Variants in GCSAML observed in about 807,000 individuals in gnomAD.
GCSAML encodes the protein germinal center-associated signaling and motility-like protein.
GCSAML carries 9 observed loss-of-function variants against 13.0 expected under a neutral mutation model. The ratio of observed to expected loss-of-function variants is 0.69; its 90% CI spans 0.42 to 1.21. The LOEUF (loss-of-function observed/expected upper bound fraction) is 1.21. GCSAML is among the 50% of genes most tolerant of loss of function. The probability of loss-of-function intolerance (pLI) is 0.00; values close to 1 mark genes in which losing one functional copy is unlikely to be tolerated. For synonymous variants in GCSAML, 37 were observed against 52.9 expected (o/e 0.70, Z 1.31); for missense variants, 143 against 153.4 (o/e 0.93, Z 0.36).
At chr1:247,542,338 T>C (rs1261348538) in intron 2 of GCSAML, among the ~76,000 whole-genome samples, 1 of 152,210 alleles carries the variant, frequency 6.6e-6, no homozygotes. Flanking sequence ...AGAAAATGTA[T>C]GCCAGTATGA....
At chr1:247,532,968 A>G (rs1163045593) in intron 2 of GCSAML, among the ~76,000 whole-genome samples, 2 of 152,202 alleles carry the variant, frequency 1.3e-5, no homozygotes, top group Non-Finnish European at 1.5e-5. Context: ...CAACATCTAT[A>G]TGCAACCTAA....
chr1:247,538,160 G>A (rs532210245), intron 2 of GCSAML, among the ~76,000 whole-genome samples: 1 of 152,054 alleles, frequency 6.6e-6, no homozygotes, highest in Non-Finnish European at 1.5e-5. Flanking sequence ...TTTGAGTTAC[G>A]TTTTGTATAT....
chr1:247,559,407 G>A (rs767887351), intron 2 of GCSAML, among the ~76,000 whole-genome samples: 18 of 151,760 alleles, frequency 1.2e-4, no homozygotes, highest in Non-Finnish European at 2.1e-4. Flanking sequence ...GGTGTTTGTC[G>A]GTTTTAATCT....
chr1:247,550,556 G>A (rs2103036146), intron 1 of GCSAML, among the ~76,000 whole-genome samples: 1 of 152,250 alleles, frequency 6.6e-6, no homozygotes, highest in Admixed American at 6.5e-5. Context: ...AGAATGGCGT[G>A]AACCCGGGAG....
chr1:247,531,488 C>G, intron 2 of GCSAML: 1 of 1,544,438 alleles, frequency 6.5e-7, no homozygotes. Context: ...AGTGCCCTGT[C>G]TTCCAAGGTC....
intron 4 of GCSAML, among the ~76,000 whole-genome samples, chr1:247,573,373 G>A (rs1253642024): frequency 1.3e-5 from 2 of 152,204 alleles, no homozygotes; most frequent in Non-Finnish European, 2.9e-5. Flanking sequence ...TGGGAAAAGT[G>A]TAGTGTCTGG....
intron 2 of GCSAML, chr1:247,531,455 A>G: frequency 7.8e-7 from 1 of 1,285,056 alleles, no homozygotes; most frequent in Non-Finnish European, 1.1e-6. Context: ...CTCAAACAAT[A>G]TTAGAAGAAA....
intron 1 of GCSAML, among the ~76,000 whole-genome samples, chr1:247,550,898 A>C (rs777054136): frequency 1.3e-5 from 2 of 152,202 alleles, no homozygotes; most frequent in Non-Finnish European, 2.9e-5. Context: ...ATATGGAAGC[A>C]AATTTTAAAA....
At chr1:247,516,291 G>T (rs1009294563) in intron 1 of GCSAML, among the ~76,000 whole-genome samples, 9 of 152,140 alleles carry the variant, frequency 5.9e-5, no homozygotes, top group African/African-American at 2.2e-4. Flanking sequence ...ATGGATTTTG[G>T]TTTAGAGTTT....
At chr1:247,568,398 G>T (rs1381989573) in intron 4 of GCSAML, among the ~76,000 whole-genome samples, 2 of 152,158 alleles carry the variant, frequency 1.3e-5, no homozygotes, top group East Asian at 1.9e-4. Flanking sequence ...CATATGGCTA[G>T]CCAGTTTTCC....
At chr1:247,541,996 T>A (rs1246312084) in intron 2 of GCSAML, among the ~76,000 whole-genome samples, 1 of 140,766 alleles carries the variant, frequency 7.1e-6, no homozygotes, top group African/African-American at 2.7e-5. Flanking sequence ...GGCAACAGAG[T>A]GAGACTCTGT....
At chr1:247,572,502 G>T (rs1236246941) in intron 4 of GCSAML, among the ~76,000 whole-genome samples, 1 of 152,204 alleles carries the variant, frequency 6.6e-6, no homozygotes, top group African/African-American at 2.4e-5. Flanking sequence ...ATCCACTCCA[G>T]ATTCTGTTTG....
intron 1 of GCSAML, among the ~76,000 whole-genome samples, chr1:247,550,515 T>C (rs1278913070): frequency 1.3e-5 from 2 of 152,092 alleles, no homozygotes; most frequent in Non-Finnish European, 2.9e-5. Context: ...TGGGCACCTG[T>C]AATCCCAGCT....
At chr1:247,532,191 C>A (rs761085022) in intron 2 of GCSAML, 2 of 1,614,122 alleles carry the variant, frequency 1.2e-6, no homozygotes, top group Admixed American at 1.7e-5. Context: ...TTGCCCCCAG[C>A]CAATGGGAGA....
At chr1:247,565,906 T>TTC in intron 3 of GCSAML, 25 bp from the exon 4 acceptor site, 2 of 638,794 alleles carry the variant, frequency 3.1e-6, no homozygotes, top group South Asian at 3.2e-5. Context: ...CTTTCTTTCT[T>TTC]TTTTTTTTTT....
At chr1:247,535,368 G>A (rs113709497) in intron 2 of GCSAML, among the ~76,000 whole-genome samples, 7 of 152,282 alleles carry the variant, frequency 4.6e-5, no homozygotes, top group Admixed American at 1.3e-4. Context: ...CTGTCAAAAC[G>A]TGGATGTTTT....
At chr1:247,542,548 T>C (rs376033426) in intron 2 of GCSAML, among the ~76,000 whole-genome samples, 19 of 152,384 alleles carry the variant, frequency 1.2e-4, no homozygotes, top group East Asian at 7.7e-4. Flanking sequence ...AATTGCTCTC[T>C]AGGTTTTGGG....
At chr1:247,565,980 A>C (rs762340218) in intron 4 of GCSAML, 21 bp downstream of exon 4, 58 of 1,527,636 alleles carry the variant, frequency 3.8e-5, no homozygotes, top group Non-Finnish European at 5.1e-5. Flanking sequence ...AACAAAAAGC[A>C]AGACAAAAGA....
upstream of GCSAML, chr1:247,548,910 C>T: frequency 5.5e-6 from 3 of 544,478 alleles, no homozygotes; most frequent in Admixed American, 6.5e-5. The surrounding 1 kb of genome is among the most constrained non-coding windows in gnomAD (Gnocchi z 5.3). Flanking sequence ...ATGTTTCAGC[C>T]TGATTTTTTC....
Sources: gnomAD v4.1 joint callset for allele counts (sites outside exome capture counted in the v4.1 genomes callset) on GRCh38, gnomAD v4.1.1 for gene constraint, Gnocchi (gnomAD v3.1) non-coding constraint, MANE v1.5 for transcripts, NCBI Gene and HGNC (gene_info 2026-07-23, HGNC 2026-07-21) for gene names.